Variants in CARS2 observed in about 807,000 individuals in gnomAD.
The protein encoded by CARS2 is probable cysteine--tRNA ligase, mitochondrial.
A neutral mutation model predicts 68.8 loss-of-function variants in CARS2; 52 were observed. The observed-to-expected ratio is 0.76, with a 90% CI of 0.61 to 0.95. The LOEUF (loss-of-function observed/expected upper bound fraction) is 0.95. Ranked by LOEUF, CARS2 falls within the 40% of genes least tolerant of loss-of-function variation. CARS2 has a pLI of 0.00. For missense variants in CARS2, 780 were observed against 754.2 expected (o/e 1.03, Z -0.40); for synonymous variants, 314 against 303.6 (o/e 1.03, Z -0.36).
intron 2 of CARS2, among the ~76,000 whole-genome samples, chr13:110,702,452 C>T (rs1226775271): frequency 6.6e-6 from 1 of 152,230 alleles, no homozygotes; most frequent in African/African-American, 2.4e-5. Flanking sequence ...GCCTGTGCAG[C>T]ATGAATTCTA....
rs2062397699 is a variant in CARS2 at position 110,657,364 on chromosome 13, T to C, written c.987+6087A>G. The stretch of plus-strand genomic sequence containing the variant: ...CCCAAATCTTGCCTTCAAAATCCCA[T>C]TTCCCCTCAAAGGCAGGGTGGCTGC... On this transcript the variant is annotated intron_variant, in intron 9 of 14. Transcript: ENST00000257347. Among the ~76,000 whole-genome samples the C allele has an allele frequency of 3.3e-5, 5 of 152,154 alleles. No individual in the cohort carries two copies. In the South Asian group the frequency reaches 1.0e-3, roughly 31 times the overall value.
At position 110,705,975 on chromosome 13, in the gene CARS2, C is replaced by A. The variant is rs916018424; in HGVS notation, c.119G>T (p.Arg40Leu). The stretch of plus-strand genomic sequence containing the variant: ...CCGGCCCGTGGGCTGCAGCCAGGCC[C>A]GCCCGCGCCCCCCGCTCGCCGCCCG... Reference protein sequence around the residue: ...AGRAASGGRGRAWLQPTGRET... With the variant: ...AGRAASGGRGLAWLQPTGRET... Residue 40 changes from arginine to leucine, a missense_variant, in exon 1 of 15, where the codon CGG becomes CTG. Arg to Leu is a moderately radical substitution (Grantham distance 102). Coordinates refer to ENST00000257347, the MANE Select transcript of CARS2 (RefSeq NM_024537.4). This position sits in a 1 kb window ranked among gnomAD's most constrained non-coding sequence, Gnocchi z 4.0. 6.6e-7 allele frequency: 1 copy of A among 1,515,042 alleles called. No homozygotes were observed. Among genetic ancestry groups the A allele is most frequent in the Non-Finnish European group, 8.8e-7 (1 of 1,135,710 alleles). The allele number at this position is 1,515,042 out of a possible 1,614,324, so 93.8% of individuals were successfully genotyped here.
At position 110,673,020 on chromosome 13, in the gene CARS2, A is replaced by G. The variant is rs1485703328; in HGVS notation, c.785+3954T>C. Reference sequence around the variant, plus strand: ...ACCCTCCCAAGACTAAACCAGGAAGAAGTTGAGTCCCTGAATAGACCAATA... The same window carrying G: ...ACCCTCCCAAGACTAAACCAGGAAGGAGTTGAGTCCCTGAATAGACCAATA... On this transcript the variant is annotated intron_variant, in intron 7 of 14. Transcript: ENST00000257347. Among the ~76,000 whole-genome samples, 3 of 152,260 alleles carry G rather than the reference A, an allele frequency of 2.0e-5. No individual in the cohort carries two copies. The East Asian group carries it at 5.8e-4, about 29-fold the overall frequency.
In CARS2 at chr13:110,693,307, C is replaced by G. The variant is rs191963054; in HGVS notation, c.394-5289G>C. 4.0e-4 allele frequency among the ~76,000 whole-genome samples: 61 copies of G among 152,084 alleles called. No homozygotes were observed. The East Asian group carries it at 7.7e-3, about 19-fold the overall frequency. On this transcript the variant is annotated intron_variant, in intron 3 of 14. Coordinates refer to ENST00000257347, the MANE Select transcript of CARS2 (RefSeq NM_024537.4). ...ACATGGCTCACAAATGCTACAATGACAAGGAGTTGTAAGTGGAATACCCAC... is the reference window on the plus strand; with the variant it reads ...ACATGGCTCACAAATGCTACAATGAGAAGGAGTTGTAAGTGGAATACCCAC...
At chr13:110,692,023 TACAC>T (rs1271674338) in intron 3 of CARS2, among the ~76,000 whole-genome samples, 1,180 of 66,118 alleles carry the variant, frequency 0.018, 24 homozygotes, top group African/African-American at 0.047. Context: ...TATATATATA[TACAC>T]ACACACACAT....
At chr13:110,671,891 CA>C (rs1446520331) in intron 7 of CARS2, among the ~76,000 whole-genome samples, 1 of 151,352 alleles carries the variant, frequency 6.6e-6, no homozygotes, top group African/African-American at 2.4e-5. Context: ...AAAAGGAAAA[CA>C]AAAAAAAGCA....
At chr13:110,679,565 GAAAGAGAGAGAAAGAA>G (rs1183047301) in intron 6 of CARS2, among the ~76,000 whole-genome samples, 1 of 39,284 alleles carries the variant, frequency 2.5e-5, no homozygotes, top group Non-Finnish European at 7.0e-5. Context: ...AAGAAAGAAA[GAAAGAGAGAGAAAGAA>G]AGAAAGAAAG....
intron 6 of CARS2, among the ~76,000 whole-genome samples, chr13:110,680,623 CA>C (rs2063131660): frequency 1.9e-4 from 1 of 5,328 alleles, no homozygotes; most frequent in African/African-American, 2.6e-4. Flanking sequence ...ATTCAACTAC[CA>C]GTTTGCAAAA....
intron 7 of CARS2, among the ~76,000 whole-genome samples, chr13:110,675,081 GA>G (rs2062907161): frequency 6.6e-6 from 1 of 152,048 alleles, no homozygotes; most frequent in Non-Finnish European, 1.5e-5. Context: ...AGGATGTGGA[GA>G]AATAGGAACA....
chr13:110,712,589 G>T, intron 1 of CARS2: 1 of 401,888 alleles, frequency 2.5e-6, no homozygotes, highest in African/African-American at 2.1e-5. Context: ...TGGCGTCCAG[G>T]CTTCTCAGAA....
chr13:110,674,895 G>A lies in CARS2; in HGVS notation c.785+2079C>T, dbSNP rs1261673527. ...CAAACAACCCCATCAAAAAGTGGGC[G>A]AAGGATATGAACAGACACTTCTCAA... is the stretch of plus-strand genomic sequence containing the variant. On this transcript the variant is annotated intron_variant, in intron 7 of 14. Coordinates refer to ENST00000257347, the MANE Select transcript of CARS2 (RefSeq NM_024537.4). Among the ~76,000 whole-genome samples, 129 of 152,218 alleles carry A rather than the reference G, an allele frequency of 8.5e-4. 1 individual carries two copies. The East Asian group carries it at 0.021, about 25-fold the overall frequency.
chr13:110,647,206 G>A lies in CARS2; in HGVS notation c.1088C>T (p.Ala363Val), dbSNP rs1178890093. 6.2e-7 allele frequency: 1 copy of A among 1,613,376 alleles called. No homozygotes were observed. Among genetic ancestry groups the A allele is most frequent in the South Asian group, 1.1e-5 (1 of 91,050 alleles). The change falls in exon 11 of 15, where the codon GCT becomes GTT. Residue 363 changes from alanine to valine, a missense_variant. Transcript: ENST00000257347. ...IDYSDSAMLQ[A>V]QQLLLGLGSF... ...GCCCAGCCCCAGGAGCAGCTGCTGA[G>A]CTTGGAGCATGGCGCTGTCACTGTA...
chr13:110,694,104 C>T (rs1019889827), intron 3 of CARS2, among the ~76,000 whole-genome samples: 3 of 151,820 alleles, frequency 2.0e-5, no homozygotes, highest in African/African-American at 4.8e-5. Flanking sequence ...CTCAGCTCAC[C>T]GCAACCTCTG....
intron 2 of CARS2, among the ~76,000 whole-genome samples, chr13:110,704,567 T>G (rs2063885267): frequency 6.6e-6 from 1 of 151,976 alleles, no homozygotes; most frequent in African/African-American, 2.4e-5. Context: ...CTACTAAAAA[T>G]ACAAAAATTA....
intron 8 of CARS2, chr13:110,664,606 T>A (rs1010711595): frequency 4.0e-5 from 39 of 975,264 alleles, no homozygotes; most frequent in African/African-American, 1.6e-4. Flanking sequence ...TAATTCTATA[T>A]AATGTGATTA....
At chr13:110,662,089 A>T (rs1414681409) in intron 9 of CARS2, among the ~76,000 whole-genome samples, 1 of 152,244 alleles carries the variant, frequency 6.6e-6, no homozygotes, top group African/African-American at 2.4e-5. Context: ...ACAAACCTTC[A>T]ATCTGTAAAG....
At chr13:110,706,821 GCA>G (rs1448122588), upstream of CARS2, among the ~76,000 whole-genome samples, 3 of 119,112 alleles carry the variant, frequency 2.5e-5, no homozygotes, top group South Asian at 2.8e-4. Context: ...GTGCACCCCA[GCA>G]CACACATCTG....
Position 110,642,476 on chromosome 13 carries a change from C to T in CARS2, c.1462G>A (p.Asp488Asn). ...GSEATLHGVVDELVRFRQKVR... is the reference protein window; with the variant it reads ...GSEATLHGVVNELVRFRQKVR... The stretch of plus-strand genomic sequence containing the variant: ...TTCTGCCGGAACCGCACCAGCTCGT[C>T]CACCACACCATGCAAGGTAGCCTCG... The change falls in exon 14 of 15, where the codon GAC becomes AAC. Residue 488 changes from aspartate (D) to asparagine (N), a missense_variant. Asp to Asn is a conservative substitution (Grantham distance 23, BLOSUM62 1). Transcript: ENST00000257347. 1 of 1,610,306 alleles carries T rather than the reference C, an allele frequency of 6.2e-7. No individual in the cohort carries two copies. Among genetic ancestry groups the T allele is most frequent in the Non-Finnish European group, 8.5e-7 (1 of 1,178,818 alleles).
chr13:110,675,513 A>C (rs2062921075), intron 7 of CARS2, among the ~76,000 whole-genome samples: 1 of 152,128 alleles, frequency 6.6e-6, no homozygotes, highest in African/African-American at 2.4e-5. Context: ...AACAATGAGA[A>C]CACTTGGACA....
Sources: allele counts gnomAD v4.1 joint callset (sites outside exome capture counted in the v4.1 genomes callset), GRCh38; gene constraint gnomAD v4.1.1; non-coding constraint Gnocchi (gnomAD v3.1); transcripts MANE v1.5; gene names NCBI Gene and HGNC (gene_info 2026-07-23, HGNC 2026-07-21).